The following POTEJ variants were observed in gnomAD, a reference collection of about 807,000 sequenced individuals.
POTEJ encodes POTE ankyrin domain family, member J.
Under a neutral mutation model 69.0 loss-of-function variants are expected in POTEJ, and 11 were observed. The observed-to-expected ratio is 0.16, with a 90% CI of 0.10 to 0.26. The LOEUF (loss-of-function observed/expected upper bound fraction) is 0.26, where lower values mean the gene tolerates loss of function less well. POTEJ is among the 10% of genes least tolerant of loss of function. The pLI is 1.00. For synonymous variants in POTEJ, 117 were observed against 381.1 expected, an observed-to-expected ratio of 0.31 and a Z score of 8.07; for missense variants, 327 against 1,045.5, an observed-to-expected ratio of 0.31 and a Z score of 9.48.
intron 13 of POTEJ, among the ~76,000 whole-genome samples, chr2:130,648,064 T>A (rs1247339730): frequency 6.7e-6 from 1 of 148,340 alleles, no homozygotes; most frequent in African/African-American, 2.5e-5. Flanking sequence ...ACTTCATATA[T>A]TTGATGAGTG....
intron 14 of POTEJ, among the ~76,000 whole-genome samples, chr2:130,655,629 A>G (rs1470238168): frequency 4.6e-5 from 7 of 152,146 alleles, no homozygotes; most frequent in Non-Finnish European, 8.8e-5. Context: ...CTATTTCACC[A>G]TTACTACTGT....
At chr2:130,628,803 CAAGGTCAA>C in intron 6 of POTEJ, among the ~76,000 whole-genome samples, 1 of 149,990 alleles carries the variant, frequency 6.7e-6, no homozygotes, top group East Asian at 1.9e-4. Context: ...AGGCAGATCA[CAAGGTCAA>C]AAGATCAGGA....
At chr2:130,643,660 A>G (rs952032142) in intron 10 of POTEJ, among the ~76,000 whole-genome samples, 1 of 138,384 alleles carries the variant, frequency 7.2e-6, no homozygotes, top group Non-Finnish European at 1.6e-5. Flanking sequence ...TAGGAAGTGG[A>G]GAACAGTACA....
rs1381132081 is a variant in POTEJ at position 130,636,906 on chromosome 2, A to G, written c.1299-1713A>G. ...AGGAGATCGAGACCAGTGAAACCCCATCTCTACTAAAAATACAAAAAAATT... is the reference window on the plus strand; with the variant it reads ...AGGAGATCGAGACCAGTGAAACCCCGTCTCTACTAAAAATACAAAAAAATT... On this transcript the variant is annotated intron_variant, in intron 9 of 14. Transcript: ENST00000409602. Among the ~76,000 whole-genome samples the G allele has an allele frequency of 4.8e-5, 7 of 146,598 alleles. 1 individual carries two copies. Among genetic ancestry groups the G allele is most frequent in the African/African-American group, 1.7e-4 (7 of 40,260 alleles).
At chr2:130,656,306 CT>C (rs1230220886) in intron 14 of POTEJ, among the ~76,000 whole-genome samples, 1 of 133,306 alleles carries the variant, frequency 7.5e-6, no homozygotes, top group East Asian at 2.1e-4. Context: ...AATATTTAAA[CT>C]TTTAGGAATT....
At position 130,656,773 on chromosome 2, in the gene POTEJ, C is replaced by A. The variant is rs760251489; in HGVS notation, c.2013C>A (p.Leu671=). ...ELTMDDDTAV[L]VIDNGSGMCK... ...CCATGGATGATGATACCGCTGTGCT[C>A]GTCATTGACAACGGCTCTGGCATGT... The change falls in exon 15 of 15, where the codon CTC becomes CTA. Residue 671 remains leucine, a synonymous_variant. Transcript: ENST00000409602. The A allele has an allele frequency of 1.2e-6, 2 of 1,610,022 alleles. No individual in the cohort carries two copies. Among genetic ancestry groups the A allele is most frequent in the South Asian group, 1.1e-5 (1 of 91,022 alleles).
intron 6 of POTEJ, among the ~76,000 whole-genome samples, chr2:130,626,789 A>G (rs1415284842): frequency 6.6e-6 from 1 of 152,172 alleles, no homozygotes; most frequent in Non-Finnish European, 1.5e-5. Flanking sequence ...AAATACATAA[A>G]GTTAGGAATC....
chr2:130,652,950 T>A (rs1195585672), intron 13 of POTEJ, among the ~76,000 whole-genome samples: 1 of 142,620 alleles, frequency 7.0e-6, no homozygotes, highest in Non-Finnish European at 1.6e-5. Flanking sequence ...TTCTTGTAGG[T>A]TATAGATATT....
intron 13 of POTEJ, among the ~76,000 whole-genome samples, chr2:130,646,942 T>TCA (rs1272193706): frequency 2.0e-5 from 3 of 148,640 alleles, no homozygotes; most frequent in Non-Finnish European, 4.4e-5. Context: ...AGTAGCATAT[T>TCA]CACACACACA....
intron 10 of POTEJ, among the ~76,000 whole-genome samples, chr2:130,640,473 A>G (rs1487071139): frequency 6.6e-6 from 1 of 151,300 alleles, no homozygotes; most frequent in East Asian, 1.9e-4. Flanking sequence ...CTAAAACAGT[A>G]GGAACCAGAG....
At chr2:130,619,205 G>A (rs1685467684) in intron 3 of POTEJ, among the ~76,000 whole-genome samples, 1 of 150,338 alleles carries the variant, frequency 6.7e-6, no homozygotes, top group Non-Finnish European at 1.5e-5. Flanking sequence ...AATTTGCTGT[G>A]AGTATGGCCC....
rs771863872 is a variant in POTEJ at position 130,657,006 on chromosome 2, G to A, written c.2246G>A (p.Trp749Ter). 2 of 1,583,238 alleles carry A rather than the reference G, an allele frequency of 1.3e-6. No individual in the cohort carries two copies. Among genetic ancestry groups the A allele is most frequent in the Non-Finnish European group, 8.6e-7 (1 of 1,157,658 alleles). ...ITNWDDMEKI[W>*]HHTFYNELRV... is the part of the protein sequence containing the mutation. ...AACTGGGATGACATGGAGAAGATCT[G>A]GCACCACACCTTCTACAACGAGCTG... The change falls in exon 15 of 15, where the codon TGG becomes TAG. Residue 749 changes from tryptophan (W) to a stop codon, truncating the protein, a stop_gained. Coordinates refer to ENST00000409602, the MANE Select transcript of POTEJ (RefSeq NM_001277083.2). LOFTEE classifies it high-confidence loss of function.
chr2:130,632,803 C>A (rs1360968877), intron 9 of POTEJ, 147 bp downstream of exon 9: 6 of 1,242,718 alleles, frequency 4.8e-6, no homozygotes, highest in East Asian at 2.3e-5. Flanking sequence ...AATCAGCGAA[C>A]AATGAGTTAC....
intron 13 of POTEJ, among the ~76,000 whole-genome samples, chr2:130,648,202 G>T (rs200502956): frequency 0.071 from 8,292 of 117,562 alleles, 1,150 homozygotes; most frequent in African/African-American, 0.27. Context: ...CTAGAAATGT[G>T]CAAAGGGCCT....
chr2:130,615,674 T>A (rs1280003732), intron 1 of POTEJ, among the ~76,000 whole-genome samples: 2 of 147,048 alleles, frequency 1.4e-5, no homozygotes, highest in Non-Finnish European at 3.0e-5. Flanking sequence ...AACACCTGGG[T>A]AATGAAATAA....
chr2:130,628,925 G>A (rs1181903731), intron 6 of POTEJ, among the ~76,000 whole-genome samples: 5 of 146,152 alleles, frequency 3.4e-5, no homozygotes, highest in African/African-American at 1.1e-4. Flanking sequence ...GACTGAGACA[G>A]GAGAATCGCT....
intron 3 of POTEJ, among the ~76,000 whole-genome samples, 156 bp from the exon 4 acceptor site, chr2:130,619,889 C>T (rs1225094367): frequency 1.3e-5 from 2 of 151,984 alleles, no homozygotes; most frequent in East Asian, 1.9e-4. Flanking sequence ...GAAGGAGCAG[C>T]GTGTGGGAAA....
rs768392864 is a variant in POTEJ at position 130,657,508 on chromosome 2, G to C, written c.2748G>C (p.Glu916Asp). The C allele has an allele frequency of 5.2e-5, 81 of 1,570,078 alleles. 9 individuals are homozygous for C. The highest frequency in any genetic ancestry group is 6.9e-5 in the Non-Finnish European group (79 of 1,149,626). The change falls in exon 15 of 15, where the codon GAG becomes GAC. Residue 916 changes from glutamate to aspartate, a missense_variant. Coordinates refer to ENST00000409602, the MANE Select transcript of POTEJ (RefSeq NM_001277083.2). ...PDGQVITISN[E>D]WFRCPEALFQ... ...GCCAGGTCATCACCATCAGCAACGA[G>C]TGGTTCCGCTGCCCCGAGGCGCTCT...
At chr2:130,654,747 C>T (rs1436240051) in intron 13 of POTEJ, among the ~76,000 whole-genome samples, 174 bp from the exon 14 acceptor site, 1 of 144,114 alleles carries the variant, frequency 6.9e-6, no homozygotes, top group African/African-American at 2.8e-5. Context: ...AAAACCAGTC[C>T]CTGGTGCCAG....
Sources: allele counts gnomAD v4.1 joint callset (sites outside exome capture counted in the v4.1 genomes callset), GRCh38; gene constraint gnomAD v4.1.1; transcripts MANE v1.5; gene names NCBI Gene and HGNC (gene_info 2026-07-23, HGNC 2026-07-21).